The following CCDC158 variants were observed in gnomAD, a reference collection of about 807,000 sequenced individuals.
The protein encoded by CCDC158 is coiled-coil domain containing 158.
In CCDC158, 116 loss-of-function variants were observed where a neutral mutation model predicts 138.6. That is an observed-to-expected ratio of 0.84 (90% CI 0.72 to 0.98). The LOEUF (loss-of-function observed/expected upper bound fraction) is 0.98. CCDC158 is among the 50% of genes least tolerant of loss of function. The pLI, the probability that CCDC158 is intolerant of heterozygous loss-of-function variation, is 0.00. For missense variants in CCDC158, 1,265 were observed against 1,306.1 expected, an observed-to-expected ratio of 0.97 and a Z score of 0.48; for synonymous variants, 436 against 442.4, an observed-to-expected ratio of 0.99 and a Z score of 0.18.
chr4:76,353,159 T>G lies in CCDC158; in HGVS notation c.2409A>C (p.Lys803Asn), dbSNP rs746799369. The change falls in exon 16 of 25, where the codon AAA (lysine) becomes AAC (asparagine). Residue 803 changes from lysine (K) to asparagine (N), a missense_variant. Lys to Asn is a moderately conservative substitution (Grantham distance 94, BLOSUM62 0). Transcript: ENST00000682701. ...EVLRSQERRL[K>N]EKVTNMEVAL... ...CCACTTCCATATTAGTAACCTTTTC[T>G]TTCAAACGGCGTTCCTGAGATCGCA... is the stretch of plus-strand genomic sequence containing the variant. The G allele has an allele frequency of 6.2e-7, 1 of 1,613,784 alleles. No individual in the cohort carries two copies. The highest frequency in any genetic ancestry group is 1.1e-5 in the South Asian group (1 of 90,980).
At chr4:76,361,322 G>A (rs1370684928) in intron 13 of CCDC158, among the ~76,000 whole-genome samples, 3 of 152,198 alleles carry the variant, frequency 2.0e-5, no homozygotes, top group Admixed American at 6.5e-5. Flanking sequence ...CAGCACTTTG[G>A]GAGGCTGAGG....
rs776586410 is a variant in CCDC158 at position 76,369,532 on chromosome 4, A to G, written c.1241T>C (p.Ile414Thr). Residue 414 changes from isoleucine (I) to threonine (T), a missense_variant, in exon 11 of 25, where the codon ATT becomes ACT. Coordinates refer to ENST00000682701, the MANE Select transcript of CCDC158 (RefSeq NM_001394954.1). ...WDRDTGNSIT[I>T]DHLRRELDNR... ...GTCCAGTTCCCGCCGCAGGTGGTCA[A>G]TGGTGATGCTGTTGCCTGTGTCTCG... 3.1e-6 allele frequency: 5 copies of G among 1,613,992 alleles called. No individual in the cohort carries two copies. Among genetic ancestry groups the G allele is most frequent in the East Asian group, 2.2e-5 (1 of 44,884 alleles).
chr4:76,391,697 T>C (rs144125250), intron 4 of CCDC158, among the ~76,000 whole-genome samples: 23 of 150,878 alleles, frequency 1.5e-4, no homozygotes, highest in African/African-American at 5.6e-4. Context: ...AGAAATAAAA[T>C]GAAAAAAATA....
intron 8 of CCDC158, among the ~76,000 whole-genome samples, chr4:76,381,916 C>A (rs1035365686): frequency 6.9e-6 from 1 of 145,110 alleles, no homozygotes; most frequent in South Asian, 2.2e-4. Context: ...CTCCTGACCT[C>A]GTGATCTGCC....
chr4:76,334,589 A>C (rs1721297513), intron 18 of CCDC158, among the ~76,000 whole-genome samples: 2 of 152,200 alleles, frequency 1.3e-5, no homozygotes, highest in Admixed American at 1.3e-4. Context: ...GAGATGAGTT[A>C]ATCTACTCCC....
rs140822689 is a variant in CCDC158, at chr4:76,368,937, C to T, written c.1347+489G>A. Among the ~76,000 whole-genome samples the T allele has an allele frequency of 4.2e-3, 636 of 152,190 alleles. 4 individuals are homozygous for T. Among genetic ancestry groups the T allele is most frequent in the Middle Eastern group, 0.031 (9 of 292 alleles). On this transcript the variant is annotated intron_variant, in intron 11 of 24. Coordinates refer to ENST00000682701, the MANE Select transcript of CCDC158 (RefSeq NM_001394954.1). ...GTTTAATTAGTGTCTATATATAGGC[C>T]GGGCGCAGTGGCTCACGCCTGTAAT...
intron 18 of CCDC158, 149 bp from the exon 19 acceptor site, chr4:76,334,316 TAATC>T (rs1721271964): frequency 6.3e-6 from 4 of 634,622 alleles, no homozygotes; most frequent in Middle Eastern, 4.5e-4. Context: ...TACACAGAGA[TAATC>T]AATAATAACC....
intron 15 of CCDC158, among the ~76,000 whole-genome samples, chr4:76,354,549 G>A (rs576369828): frequency 3.3e-5 from 5 of 152,248 alleles, no homozygotes; most frequent in Admixed American, 6.5e-5. Context: ...GGATATACCA[G>A]AGAATATTTG....
intron 14 of CCDC158, among the ~76,000 whole-genome samples, chr4:76,355,758 C>T (rs1335825739): frequency 1.3e-5 from 2 of 150,790 alleles, no homozygotes; most frequent in African/African-American, 4.9e-5. Flanking sequence ...TAAACTCATA[C>T]TTACCCATGT....
intron 3 of CCDC158, among the ~76,000 whole-genome samples, chr4:76,399,879 G>A (rs1020977819): frequency 1.1e-4 from 17 of 152,132 alleles, no homozygotes; most frequent in Non-Finnish European, 7.4e-5. Flanking sequence ...TTGACAGTGG[G>A]GGGTGAGAAG....
In CCDC158 at chr4:76,325,890, C is replaced by G. The variant is rs762178999; in HGVS notation, c.3136G>C (p.Ala1046Pro). 4 of 1,611,460 alleles carry G rather than the reference C, an allele frequency of 2.5e-6. No homozygotes were observed. Among genetic ancestry groups the G allele is most frequent in the African/African-American group, 2.7e-5 (2 of 74,756 alleles). The stretch of plus-strand genomic sequence containing the variant: ...GAATCAGATGAATGAATAGGTTTGG[C>G]AGATCTATACTGTGATGTGGAACCT... ...SIGSTSQYRS[A>P]KPIHSSDSVK... is the part of the protein sequence containing the mutation. Residue 1046 changes from alanine (A) to proline (P), a missense_variant, in exon 23 of 25, where the codon GCC becomes CCC. Ala to Pro is a conservative substitution (Grantham distance 27). Coordinates refer to ENST00000682701, the MANE Select transcript of CCDC158 (RefSeq NM_001394954.1).
intron 18 of CCDC158, chr4:76,344,917 A>C: frequency 2.6e-6 from 4 of 1,536,130 alleles, no homozygotes; most frequent in Non-Finnish European, 3.6e-6. Context: ...ATACTAAAGA[A>C]ATGTTTGGTG....
rs760190615 is a variant in CCDC158 at position 76,369,655 on chromosome 4, C to T, written c.1150-32G>A. 7 of 1,568,910 alleles carry T rather than the reference C, an allele frequency of 4.5e-6. No homozygotes were observed. In the South Asian group the frequency reaches 6.7e-5, roughly 15 times the overall value. ...AAAGAGAGGAATGCTTTTTTCCTCC[C>T]TGCTATTAAATAATTAAGATAAAAC... On this transcript the variant is annotated intron_variant, in intron 10 of 24. Transcript: ENST00000682701.
chr4:76,319,700 A>G (rs1219452881), intron 24 of CCDC158, among the ~76,000 whole-genome samples: 1 of 151,624 alleles, frequency 6.6e-6, no homozygotes, highest in Non-Finnish European at 1.5e-5. Flanking sequence ...TCATATCATC[A>G]TCTCAAAAAA....
intron 15 of CCDC158, among the ~76,000 whole-genome samples, chr4:76,354,533 A>C (rs772231618): frequency 6.6e-6 from 1 of 152,148 alleles, no homozygotes; most frequent in Non-Finnish European, 1.5e-5. Context: ...CTTTTTCCAA[A>C]GTAATGGATA....
intron 4 of CCDC158, among the ~76,000 whole-genome samples, chr4:76,394,970 T>G (rs959773856): frequency 1.1e-4 from 16 of 152,246 alleles, no homozygotes; most frequent in African/African-American, 2.4e-4. Flanking sequence ...ATATGTTTTT[T>G]TCTAATAAGG....
intron 23 of CCDC158, among the ~76,000 whole-genome samples, chr4:76,325,483 T>C (rs2271401): frequency 0.61 from 92,359 of 152,072 alleles, 28,557 homozygotes; most frequent in East Asian, 0.78. Flanking sequence ...TTGTACGGTA[T>C]GCACTTATAC....
chr4:76,417,953 T>C (rs1374117757), intron 1 of CCDC158, among the ~76,000 whole-genome samples: 1 of 152,196 alleles, frequency 6.6e-6, no homozygotes, highest in Non-Finnish European at 1.5e-5. Flanking sequence ...AGGCCAACTA[T>C]GTGTCATGCC....
At chr4:76,340,469 G>C (rs985858333) in intron 18 of CCDC158, among the ~76,000 whole-genome samples, 1 of 152,194 alleles carries the variant, frequency 6.6e-6, no homozygotes, top group African/African-American at 2.4e-5. Flanking sequence ...GTATGTTTGA[G>C]ACAACTTCAA....
Sources: allele counts gnomAD v4.1 joint callset (sites outside exome capture counted in the v4.1 genomes callset), GRCh38; gene constraint gnomAD v4.1.1; transcripts MANE v1.5; gene names NCBI Gene and HGNC (gene_info 2026-07-23, HGNC 2026-07-21).